PHACTR1: variants seen among roughly 807,000 people sequenced by gnomAD.
PHACTR1 encodes the protein phosphatase and actin regulator 1.
A neutral mutation model predicts 69.2 loss-of-function variants in PHACTR1; 16 were observed. That is an observed-to-expected ratio of 0.23 (90% CI 0.16 to 0.35). The LOEUF is 0.35. PHACTR1 is among the 10% of genes least tolerant of loss of function. The probability of loss-of-function intolerance (pLI) is 1.00; values close to 1 mark genes in which losing one functional copy is unlikely to be tolerated. For missense variants in PHACTR1, 510 were observed against 734.7 expected (o/e 0.69, Z 3.54); for synonymous variants, 312 against 284.5 (o/e 1.10, Z -0.97).
At chr6:12,775,585 T>C (rs1769959397) in intron 4 of PHACTR1, among the ~76,000 whole-genome samples, 1 of 152,238 alleles carries the variant, frequency 6.6e-6, no homozygotes, top group African/African-American at 2.4e-5. Flanking sequence ...AATATTGTGC[T>C]TTATAAAAAA....
intron 4 of PHACTR1, among the ~76,000 whole-genome samples, chr6:12,919,349 G>A (rs935767657): frequency 2.6e-5 from 4 of 151,694 alleles, no homozygotes; most frequent in Non-Finnish European, 5.9e-5. Flanking sequence ...CACCATGTTG[G>A]CCAGGCTAGT....
At chr6:12,834,886 A>G (rs1455501772) in intron 4 of PHACTR1, among the ~76,000 whole-genome samples, 2 of 146,984 alleles carry the variant, frequency 1.4e-5, no homozygotes, top group Non-Finnish European at 3.0e-5. Flanking sequence ...ACCTCCTAGA[A>G]CAGAATGATT....
intron 4 of PHACTR1, among the ~76,000 whole-genome samples, chr6:12,970,403 T>TTTAAATA (rs1431741180): frequency 6.6e-6 from 1 of 152,224 alleles, no homozygotes; most frequent in Non-Finnish European, 1.5e-5. Context: ...TATCAACTTA[T>TTTAAATA]TTAAATATTA....
intron 7 of PHACTR1, among the ~76,000 whole-genome samples, chr6:13,204,373 C>T (rs1385840621): frequency 6.6e-6 from 1 of 151,952 alleles, no homozygotes; most frequent in African/African-American, 2.4e-5. Flanking sequence ...CTGCGTGGTG[C>T]TCCCCAACAC....
intron 4 of PHACTR1, among the ~76,000 whole-genome samples, chr6:12,925,922 A>G (rs1394084342): frequency 6.6e-6 from 1 of 152,148 alleles, no homozygotes; most frequent in Non-Finnish European, 1.5e-5. Context: ...CCATCCTAAC[A>G]TGAACCCTGC....
intron 4 of PHACTR1, among the ~76,000 whole-genome samples, chr6:12,770,418 G>T (rs1769230877): frequency 6.6e-6 from 1 of 152,170 alleles, no homozygotes; most frequent in African/African-American, 2.4e-5. Context: ...TGAAGAGGCT[G>T]GCCCAGTCTG....
intron 10 of PHACTR1, among the ~76,000 whole-genome samples, chr6:13,238,890 A>G (rs544942956): frequency 6.5e-4 from 99 of 152,354 alleles, no homozygotes; most frequent in African/African-American, 2.3e-3. Context: ...GTCCCTGGAT[A>G]CGTGTCACTG....
intron 3 of PHACTR1, among the ~76,000 whole-genome samples, chr6:12,745,656 T>G (rs189282784): frequency 6.6e-6 from 1 of 152,352 alleles, no homozygotes; most frequent in East Asian, 1.9e-4. Context: ...CCATGTGGTT[T>G]TCTAAATATA....
At chr6:12,822,109 G>A (rs1029581622) in intron 4 of PHACTR1, among the ~76,000 whole-genome samples, 1 of 152,190 alleles carries the variant, frequency 6.6e-6, no homozygotes, top group South Asian at 2.1e-4. Context: ...TGGGCTGCTG[G>A]AGGACACAGG....
At chr6:12,971,088 AC>A (rs1016674449) in intron 4 of PHACTR1, among the ~76,000 whole-genome samples, 1 of 152,120 alleles carries the variant, frequency 6.6e-6, no homozygotes, top group African/African-American at 2.4e-5. Flanking sequence ...TCATTGCAAT[AC>A]CCTGTTTTGA....
chr6:12,775,343 T>G (rs1021353256), intron 4 of PHACTR1, among the ~76,000 whole-genome samples: 4 of 152,214 alleles, frequency 2.6e-5, no homozygotes, highest in Non-Finnish European at 5.9e-5. Context: ...TAAAAAATAT[T>G]TATTTAGACA....
chr6:12,776,467 A>T (rs900444998), intron 4 of PHACTR1, among the ~76,000 whole-genome samples: 3 of 152,196 alleles, frequency 2.0e-5, no homozygotes, highest in African/African-American at 7.2e-5. Context: ...TGGTGATCTG[A>T]ATGCCACCAT....
chr6:12,832,450 G>A (rs1302536513), intron 4 of PHACTR1, among the ~76,000 whole-genome samples: 1 of 152,036 alleles, frequency 6.6e-6, no homozygotes, highest in Non-Finnish European at 1.5e-5. Flanking sequence ...CTCTAGAACT[G>A]TAAGCATTAC....
At chr6:12,752,693 T>C (rs1181736295) in intron 4 of PHACTR1, among the ~76,000 whole-genome samples, 2 of 152,136 alleles carry the variant, frequency 1.3e-5, no homozygotes, top group Admixed American at 1.3e-4. Flanking sequence ...AATTAAACAC[T>C]TAAGGATTTT....
chr6:13,054,034 C>T (rs375821213), intron 5 of PHACTR1, among the ~76,000 whole-genome samples: 11 of 152,066 alleles, frequency 7.2e-5, no homozygotes, highest in East Asian at 5.8e-4. Flanking sequence ...GATAACTGTA[C>T]GGTTTGTGGC....
intron 4 of PHACTR1, chr6:12,933,530 C>G (rs1175860810): frequency 6.5e-7 from 1 of 1,535,606 alleles, no homozygotes; most frequent in Non-Finnish European, 8.8e-7. Flanking sequence ...GAACTGATGA[C>G]TATTTAATAT....
chr6:13,192,788 C>T (rs1041458033), intron 7 of PHACTR1, among the ~76,000 whole-genome samples: 3 of 152,134 alleles, frequency 2.0e-5, no homozygotes, highest in Non-Finnish European at 4.4e-5. Flanking sequence ...CTGATGTGTT[C>T]CCTGCTGAGT....
intron 4 of PHACTR1, among the ~76,000 whole-genome samples, chr6:13,046,121 C>G (rs1036820924): frequency 6.6e-6 from 1 of 152,096 alleles, no homozygotes; most frequent in Non-Finnish European, 1.5e-5. Flanking sequence ...GGGAAGACTG[C>G]CAGATGTCAT....
rs945521352 is a variant in PHACTR1, at chr6:13,220,156, G to A, written c.987-7660G>A. Reference sequence around the variant, plus strand: ...TGTGGTGGTTTTGAAAGATGCTCCTGCTCCTTCATCCTGAGCTGTGGAACC... The same window carrying A: ...TGTGGTGGTTTTGAAAGATGCTCCTACTCCTTCATCCTGAGCTGTGGAACC... On this transcript the variant is annotated intron_variant, in intron 8 of 14. Transcript: ENST00000332995. Among the ~76,000 whole-genome samples, 5 of 152,314 alleles carry A rather than the reference G, an allele frequency of 3.3e-5. No individual in the cohort carries two copies. The East Asian group carries it at 9.6e-4, about 29-fold the overall frequency.
Sources: gnomAD v4.1 joint callset for allele counts (sites outside exome capture counted in the v4.1 genomes callset) on GRCh38, gnomAD v4.1.1 for gene constraint, MANE v1.5 for transcripts, NCBI Gene and HGNC (gene_info 2026-07-23, HGNC 2026-07-21) for gene names.